Variants in KCNK12 observed in about 807,000 individuals in gnomAD.
KCNK12 encodes the protein potassium two pore domain channel subfamily K member 12.
Under a neutral mutation model 25.3 loss-of-function variants are expected in KCNK12, and 6 were observed. That is an observed-to-expected ratio of 0.24 (90% confidence interval 0.13 to 0.47). The LOEUF (loss-of-function observed/expected upper bound fraction) is 0.47. KCNK12 is among the 20% of genes least tolerant of loss of function. The pLI is 0.99. For synonymous variants in KCNK12, 331 were observed against 311.1 expected, an observed-to-expected ratio of 1.06 and a Z score of -0.67; for missense variants, 444 against 661.7, an observed-to-expected ratio of 0.67 and a Z score of 3.61.
intron 1 of KCNK12, among the ~76,000 whole-genome samples, chr2:47,552,385 T>C (rs559223342): frequency 1.3e-3 from 195 of 152,210 alleles, no homozygotes; most frequent in African/African-American, 4.5e-3. Context: ...GCCTGCTTCA[T>C]TCCCCACTTC....
intron 1 of KCNK12, among the ~76,000 whole-genome samples, chr2:47,542,232 C>T (rs1669217438): frequency 6.6e-6 from 1 of 152,186 alleles, no homozygotes; most frequent in South Asian, 2.1e-4. Context: ...CCTCACTCCA[C>T]ACCAGGCTTG....
intron 1 of KCNK12, among the ~76,000 whole-genome samples, chr2:47,545,538 T>C (rs1196972071): frequency 1.3e-5 from 2 of 152,234 alleles, no homozygotes; most frequent in East Asian, 3.8e-4. Context: ...TTCCTCATCA[T>C]TTTCGCAGCA....
chr2:47,556,660 G>C lies in KCNK12; in HGVS notation c.391+13281C>G, dbSNP rs1287454676. Among the ~76,000 whole-genome samples, 1 of 152,188 alleles carries C rather than the reference G, an allele frequency of 6.6e-6. No homozygotes were observed. The highest frequency in any genetic ancestry group is 1.5e-5 in the Non-Finnish European group (1 of 68,040). On this transcript the variant is annotated intron_variant, in intron 1 of 1. Transcript: ENST00000327876. The surrounding 1 kb of genome is among the most constrained non-coding windows in gnomAD (Gnocchi z 4.8). Reference sequence around the variant, plus strand: ...TTGATAGGGGTACAACATAGGGAGAGAGGGGCAAGGAAGTTAAGGGTCTCT... The same window carrying C: ...TTGATAGGGGTACAACATAGGGAGACAGGGGCAAGGAAGTTAAGGGTCTCT...
At chr2:47,543,969 T>C (rs1034967805) in intron 1 of KCNK12, among the ~76,000 whole-genome samples, 9 of 152,192 alleles carry the variant, frequency 5.9e-5, no homozygotes, top group Non-Finnish European at 8.8e-5. Context: ...TCACTGCTCC[T>C]GGAAGCAGGG....
At chr2:47,536,502 T>C (rs1669072091) in intron 1 of KCNK12, among the ~76,000 whole-genome samples, 1 of 152,180 alleles carries the variant, frequency 6.6e-6, no homozygotes, top group Non-Finnish European at 1.5e-5. Flanking sequence ...TGTCTCCATC[T>C]TAGTTTCAGT....
chr2:47,522,052 T>C (rs765174331), intron 1 of KCNK12, among the ~76,000 whole-genome samples: 20 of 152,170 alleles, frequency 1.3e-4, no homozygotes, highest in Admixed American at 3.9e-4. Context: ...CTTGGGGACC[T>C]ATAAACCCAA....
intron 1 of KCNK12, among the ~76,000 whole-genome samples, chr2:47,558,593 G>A (rs1167014420): frequency 3.9e-5 from 6 of 152,190 alleles, no homozygotes; most frequent in Non-Finnish European, 5.9e-5. Flanking sequence ...AGAATTCCTG[G>A]CAGGTCCTGG....
chr2:47,521,867 G>T, intron 1 of KCNK12, 59 bp from the exon 2 acceptor site: 2 of 1,419,848 alleles, frequency 1.4e-6, no homozygotes, highest in Non-Finnish European at 1.9e-6. Flanking sequence ...CTCACTGGGC[G>T]AGGGTGGGGG....
In KCNK12 at chr2:47,519,809, C is replaced by T. The variant is rs1240951177; in HGVS notation, c.*1098G>A. On this transcript the variant is annotated 3_prime_UTR_variant, in exon 2 of 2. Coordinates refer to ENST00000327876, the MANE Select transcript of KCNK12 (RefSeq NM_022055.2). The stretch of plus-strand genomic sequence containing the variant: ...ACATCATGGCCTCTGGAGCCAAATA[C>T]CCTGACATTTGCAAGATGGCTTCTT... 2.6e-5 allele frequency: 4 copies of T among 152,186 alleles called. No individual in the cohort carries two copies. The highest frequency in any genetic ancestry group is 5.9e-5 in the Non-Finnish European group (4 of 68,046). The allele number at this position is 152,186 out of a possible 1,614,324, so 9.4% of individuals were successfully genotyped here.
In KCNK12 at chr2:47,540,572, G is replaced by A. The variant is rs1669174585; in HGVS notation, c.392-18764C>T. 6.6e-6 allele frequency among the ~76,000 whole-genome samples: 1 copy of A among 152,186 alleles called. No homozygotes were observed. Among genetic ancestry groups the A allele is most frequent in the Admixed American group, 6.5e-5 (1 of 15,276 alleles). On this transcript the variant is annotated intron_variant, in intron 1 of 1. Transcript: ENST00000327876. This position sits in a 1 kb window ranked among gnomAD's most constrained non-coding sequence, Gnocchi z 5.4. ...GGGACAGTGGAAGCATCCATTTGAA[G>A]ACTCTTCCTGTGTCTTCTGCAAAAC...
rs1451061061 is a variant in KCNK12 at position 47,533,959 on chromosome 2, G to A, written c.392-12151C>T. Among the ~76,000 whole-genome samples, 2 of 151,906 alleles carry A rather than the reference G, an allele frequency of 1.3e-5. No individual in the cohort carries two copies. The highest frequency in any genetic ancestry group is 2.4e-5 in the African/African-American group (1 of 41,344). ...CAGTCAGCCAGGCACAGAGAAAATG[G>A]CCCTCTGCCCCTGTTCTGCTTGTTT... On this transcript the variant is annotated intron_variant, in intron 1 of 1. Transcript: ENST00000327876. This position sits in a 1 kb window ranked among gnomAD's most constrained non-coding sequence, Gnocchi z 4.7.
chr2:47,542,123 TA>T (rs1261680895), intron 1 of KCNK12, among the ~76,000 whole-genome samples: 1 of 152,188 alleles, frequency 6.6e-6, no homozygotes, highest in Admixed American at 6.5e-5. Flanking sequence ...CTGGGCAGGA[TA>T]GGGGCAGCCA....
Position 47,512,632 on chromosome 2 carries a change from G to A in KCNK12, c.*8275C>T. ...CTGGGAACTTCACAATGGCTAAAGT[G>A]TGCTAATGGGATGATGTGCCCTTGT... On this transcript the variant is annotated 3_prime_UTR_variant, in exon 2 of 2. Coordinates refer to ENST00000327876, the MANE Select transcript of KCNK12 (RefSeq NM_022055.2). The A allele has an allele frequency of 1.7e-6, 1 of 586,912 alleles. No homozygotes were observed. 36.4% of individuals were successfully genotyped at this position (586,912 alleles called of 1,614,324 possible). A position where few individuals can be genotyped will look rare whatever the true frequency, so the allele number is the denominator to read the frequency against.
rs564289769 is a variant in KCNK12, at chr2:47,529,919, T to C, written c.392-8111A>G. Among the ~76,000 whole-genome samples the C allele has an allele frequency of 5.3e-5, 8 of 152,350 alleles. No homozygotes were observed. The highest frequency in any genetic ancestry group is 1.9e-4 in the African/African-American group (8 of 41,582). On this transcript the variant is annotated intron_variant, in intron 1 of 1. Transcript: ENST00000327876. This position sits in a 1 kb window ranked among gnomAD's most constrained non-coding sequence, Gnocchi z 4.3. Reference sequence around the variant, plus strand: ...CATACTTATACTAAAATATAGTTGATTATCTGAAATTCAAATTTCACTGGG... The same window carrying C: ...CATACTTATACTAAAATATAGTTGACTATCTGAAATTCAAATTTCACTGGG...
chr2:47,545,563 G>C (rs1669295440), intron 1 of KCNK12, among the ~76,000 whole-genome samples: 1 of 152,244 alleles, frequency 6.6e-6, no homozygotes. Flanking sequence ...CTTTGTGGGG[G>C]AGTAGGGGGA....
Position 47,515,631 on chromosome 2 carries a change from C to T in KCNK12, c.*5276G>A, listed in dbSNP as rs1307996186. On this transcript the variant is annotated 3_prime_UTR_variant, in exon 2 of 2. Coordinates refer to ENST00000327876, the MANE Select transcript of KCNK12 (RefSeq NM_022055.2). ...GGTCATGCTCAACAGGGTGGGGAGC[C>T]CAGGGGAGTGGGGAGTGATCGTATA... is the stretch of plus-strand genomic sequence containing the variant. 6.6e-6 allele frequency among the ~76,000 whole-genome samples: 1 copy of T among 151,888 alleles called. No homozygotes were observed. The highest frequency in any genetic ancestry group is 2.4e-5 in the African/African-American group (1 of 41,348).
Position 47,570,238 on chromosome 2 carries a change from G to C in KCNK12, c.94C>G (p.Leu32Val). Residue 32 changes from leucine (L) to valine (V), a missense_variant, in exon 1 of 2, where the codon CTC (leucine) becomes GTC (valine). This residue lies in a region of KCNK12 where 67 missense variants were observed against 59.2 expected (regional missense o/e 1.13). Transcript: ENST00000327876. ...CCCCCCRRSH[L>V]NEDTGRFVLL... is the part of the protein sequence containing the mutation. The stretch of plus-strand genomic sequence containing the variant: ...ACGAAGCGGCCGGTGTCCTCGTTGA[G>C]GTGCGAACGGCGGCAGCAGCAGCAG... 6.8e-7 allele frequency: 1 copy of C among 1,465,138 alleles called. No individual in the cohort carries two copies. The allele number at this position is 1,465,138 out of a possible 1,614,324, so 90.8% of individuals were successfully genotyped here.
intron 1 of KCNK12, among the ~76,000 whole-genome samples, chr2:47,541,056 T>C (rs1360393448): frequency 6.6e-6 from 1 of 152,240 alleles, no homozygotes; most frequent in Non-Finnish European, 1.5e-5. Flanking sequence ...TATTGAACTC[T>C]GAGTGCCCTA....
In KCNK12 at chr2:47,512,065, G is replaced by A. The variant is rs190778958; in HGVS notation, c.*8842C>T. Among the ~76,000 whole-genome samples the A allele has an allele frequency of 1.3e-5, 2 of 152,248 alleles. No homozygotes were observed. Among genetic ancestry groups the A allele is most frequent in the Non-Finnish European group, 2.9e-5 (2 of 68,018 alleles). ...AGCTCATGAAGTTTCTCATGGGGTG[G>A]GGTATGTGTGTTGAAGCTGCACCTT... On this transcript the variant is annotated 3_prime_UTR_variant, in exon 2 of 2. Coordinates refer to ENST00000327876, the MANE Select transcript of KCNK12 (RefSeq NM_022055.2).
Sources: gnomAD v4.1 joint callset for allele counts (sites outside exome capture counted in the v4.1 genomes callset) on GRCh38, gnomAD v4.1.1 for gene constraint, gnomAD v4.1.1 regional missense constraint, Gnocchi (gnomAD v3.1) non-coding constraint, MANE v1.5 for transcripts, NCBI Gene and HGNC (gene_info 2026-07-23, HGNC 2026-07-21) for gene names.